Variants in EBI3 observed in about 807,000 individuals in gnomAD.
EBI3 encodes interleukin-27 subunit beta.
EBI3 carries 19 observed loss-of-function variants against 21.3 expected under a neutral mutation model. That is an observed-to-expected ratio of 0.89 (90% CI 0.62 to 1.31). The LOEUF is 1.31. Among genes scored for constraint, EBI3 ranks in the 50% most tolerant of loss-of-function variants. EBI3 has a pLI of 0.00. For synonymous variants in EBI3, 154 were observed against 131.2 expected (o/e 1.17, Z -1.19); for missense variants, 331 against 314.0 (o/e 1.05, Z -0.41).
intron 2 of EBI3, among the ~76,000 whole-genome samples, chr19:4,231,778 A>AAAAAC (rs2144674831): frequency 6.7e-6 from 1 of 149,786 alleles, no homozygotes; most frequent in African/African-American, 2.5e-5. Flanking sequence ...CTCAAAAAAA[A>AAAAAC]AAAAAAAAAA....
chr19:4,237,181 C>T lies in EBI3; in HGVS notation c.*93C>T. ...GGAGGGCGGATGGGATCTGCCTAGC[C>T]TGGGCTGGAGTCCTTGCTTTGCTGC... is the stretch of plus-strand genomic sequence containing the variant. On this transcript the variant is annotated 3_prime_UTR_variant, in exon 5 of 5. Transcript: ENST00000221847. 8 of 1,384,178 alleles carry T rather than the reference C, an allele frequency of 5.8e-6. No individual in the cohort carries two copies. The highest frequency in any genetic ancestry group is 7.5e-6 in the Non-Finnish European group (8 of 1,063,150). 85.7% of individuals were successfully genotyped at this position (1,384,178 alleles called of 1,614,324 possible).
In EBI3 at chr19:4,237,192, T is replaced by G; in HGVS notation, c.*104T>G. 1 of 1,349,110 alleles carries G rather than the reference T, an allele frequency of 7.4e-7. No individual in the cohort carries two copies. The highest frequency in any genetic ancestry group is 9.6e-7 in the Non-Finnish European group (1 of 1,040,338). The allele number at this position is 1,349,110 out of a possible 1,614,324, so 83.6% of individuals were successfully genotyped here. A position where few individuals can be genotyped will look rare whatever the true frequency, so the allele number is the denominator to read the frequency against. On this transcript the variant is annotated 3_prime_UTR_variant, in exon 5 of 5. Transcript: ENST00000221847. ...GGGATCTGCCTAGCCTGGGCTGGAG[T>G]CCTTGCTTTGCTGCTGCTGAGCTGC...
At chr19:4,234,946 G>A (rs546186330) in intron 4 of EBI3, 122 bp downstream of exon 4, 4 of 1,403,850 alleles carry the variant, frequency 2.8e-6, no homozygotes, top group Non-Finnish European at 2.9e-6. Context: ...CATTGAATAA[G>A]AGCAGTCCAG....
At chr19:4,232,426 C>A (rs1303898228) in intron 2 of EBI3, among the ~76,000 whole-genome samples, 6 of 147,484 alleles carry the variant, frequency 4.1e-5, no homozygotes, top group South Asian at 4.3e-4. Context: ...TACTTAAAAT[C>A]AAAAAAATTA....
chr19:4,233,859 CTG>C (rs1203161047), intron 3 of EBI3, among the ~76,000 whole-genome samples: 1 of 152,216 alleles, frequency 6.6e-6, no homozygotes, highest in African/African-American at 2.4e-5. Flanking sequence ...CTTCGGGTCT[CTG>C]TGCATACATC....
At chr19:4,231,356 C>A in intron 2 of EBI3, 33 bp downstream of exon 2, 1 of 1,573,736 alleles carries the variant, frequency 6.4e-7, no homozygotes, top group Non-Finnish European at 8.6e-7. Context: ...CTCAGGGACA[C>A]TGGACTTCCT....
Position 4,229,563 on chromosome 19 carries a change from C to G in EBI3, c.13C>G (p.Leu5Val). MTPQLLLALVLWASC... is the reference protein window; with the variant it reads MTPQVLLALVLWASC... The stretch of plus-strand genomic sequence containing the variant: ...GCTGGCCGCAGCCATGACCCCGCAG[C>G]TTCTCCTGGCCCTTGTCCTCTGGGC... Residue 5 changes from leucine to valine, a missense_variant, in exon 1 of 5, where the codon CTT (leucine) becomes GTT (valine). Transcript: ENST00000221847. 1 of 1,611,324 alleles carries G rather than the reference C, an allele frequency of 6.2e-7. No homozygotes were observed. The highest frequency in any genetic ancestry group is 1.1e-5 in the South Asian group (1 of 90,354).
Position 4,231,173 on chromosome 19 carries a change from C to A in EBI3, c.68-18C>A. The A allele has an allele frequency of 5.1e-6, 8 of 1,559,974 alleles. No individual in the cohort carries two copies. Among genetic ancestry groups the A allele is most frequent in the Non-Finnish European group, 6.9e-6 (8 of 1,155,848 alleles). Reference sequence around the variant, plus strand: ...TCTGGGGGTAAACCAGAAGCTCACTCTTTCTGTCTTCCTCCAGGGCCCCCA... The same window carrying A: ...TCTGGGGGTAAACCAGAAGCTCACTATTTCTGTCTTCCTCCAGGGCCCCCA... On this transcript the variant is annotated intron_variant, in intron 1 of 4. Transcript: ENST00000221847.
At position 4,237,161 on chromosome 19, in the gene EBI3, G is replaced by A. The variant is rs1323190868; in HGVS notation, c.*73G>A. 6 of 1,400,712 alleles carry A rather than the reference G, an allele frequency of 4.3e-6. No individual in the cohort carries two copies. Among genetic ancestry groups the A allele is most frequent in the Non-Finnish European group, 5.6e-6 (6 of 1,070,628 alleles). The allele number at this position is 1,400,712 out of a possible 1,614,324, so 86.8% of individuals were successfully genotyped here. On this transcript the variant is annotated 3_prime_UTR_variant, in exon 5 of 5. Transcript: ENST00000221847. Reference sequence around the variant, plus strand: ...TAAGCCCCGGGACACCTGTTGGAGGGCGGATGGGATCTGCCTAGCCTGGGC... The same window carrying A: ...TAAGCCCCGGGACACCTGTTGGAGGACGGATGGGATCTGCCTAGCCTGGGC...
intron 2 of EBI3, among the ~76,000 whole-genome samples, chr19:4,231,952 C>T (rs958610510): frequency 2.0e-5 from 3 of 151,396 alleles, no homozygotes; most frequent in South Asian, 4.2e-4. Context: ...CATGGCCAGG[C>T]GCGGTGGCTC....
chr19:4,236,526 A>AAAAAAAAAAAAAC (rs1970839468), intron 4 of EBI3, among the ~76,000 whole-genome samples: 1 of 147,370 alleles, frequency 6.8e-6, no homozygotes, highest in African/African-American at 2.5e-5. Flanking sequence ...CTCAAAAAAA[A>AAAAAAAAAAAAAC]AAAAAAAAAA....
At chr19:4,232,776 TAATG>T (rs1391160840) in intron 2 of EBI3, among the ~76,000 whole-genome samples, 1 of 119,152 alleles carries the variant, frequency 8.4e-6, no homozygotes, top group African/African-American at 4.2e-5. Context: ...AGGAATGAAT[TAATG>T]AATGAATGAA....
rs750721808 is a variant in EBI3 at position 4,229,630 on chromosome 19, C to T, written c.67+13C>T. 1.3e-6 allele frequency: 2 copies of T among 1,599,010 alleles called. No individual in the cohort carries two copies. Among genetic ancestry groups the T allele is most frequent in the Non-Finnish European group, 1.7e-6 (2 of 1,173,410 alleles). ...AGTGGAAGGAAAGGTATGTGGGGCC[C>T]CTGGGGGACTGGGGGGCCCAGGCAG... On this transcript the variant is annotated intron_variant, in intron 1 of 4. Coordinates refer to ENST00000221847, the MANE Select transcript of EBI3 (RefSeq NM_005755.3).
chr19:4,231,229 C>T lies in EBI3; in HGVS notation c.106C>T (p.Arg36Ter), dbSNP rs757484444. 1.7e-5 allele frequency: 27 copies of T among 1,610,486 alleles called. No homozygotes were observed. In the Admixed American group the frequency reaches 1.7e-4, roughly 10 times the overall value. ...AALTLPRVQCRASRYPIAVDC... is the reference protein window; with the variant it reads ...AALTLPRVQC ...TCTGACACTGCCCCGGGTGCAATGC[C>T]GAGCCTCTCGGTACCCGATCGCCGT... Residue 36 changes from arginine (R) to a stop codon, truncating the protein, a stop_gained, in exon 2 of 5, where the codon CGA becomes TGA. Coordinates refer to ENST00000221847, the MANE Select transcript of EBI3 (RefSeq NM_005755.3). LOFTEE classifies it high-confidence loss of function.
intron 2 of EBI3, 173 bp from the exon 3 acceptor site, chr19:4,232,956 T>C: frequency 1.5e-6 from 1 of 657,010 alleles, no homozygotes; most frequent in Non-Finnish European, 2.4e-6. Flanking sequence ...TTGGGGCCCA[T>C]GCCCTGCCCC....
chr19:4,234,971 G>A (rs1191049585), intron 4 of EBI3, 147 bp downstream of exon 4: 6 of 1,198,926 alleles, frequency 5.0e-6, no homozygotes, highest in Non-Finnish European at 6.9e-6. Flanking sequence ...CTGATTCCTA[G>A]GCCTCTACCG....
intron 2 of EBI3, 105 bp downstream of exon 2, chr19:4,231,428 C>T: frequency 7.1e-7 from 1 of 1,400,930 alleles, no homozygotes; most frequent in Non-Finnish European, 9.3e-7. Context: ...ACCCCGACAT[C>T]CTGAACCCCA....
At chr19:4,232,002 G>A (rs1261282921) in intron 2 of EBI3, among the ~76,000 whole-genome samples, 5 of 151,576 alleles carry the variant, frequency 3.3e-5, no homozygotes, top group African/African-American at 9.7e-5. Context: ...CGAGGTGGGC[G>A]GATCACAAGG....
At chr19:4,230,427 C>T (rs1970771867) in intron 1 of EBI3, among the ~76,000 whole-genome samples, 2 of 151,728 alleles carry the variant, frequency 1.3e-5, no homozygotes, top group Admixed American at 1.3e-4. Flanking sequence ...AAAAAATTAG[C>T]TAGATGTGGT....
Sources: gnomAD v4.1 joint callset for allele counts (sites outside exome capture counted in the v4.1 genomes callset) on GRCh38, gnomAD v4.1.1 for gene constraint, MANE v1.5 for transcripts, NCBI Gene and HGNC (gene_info 2026-07-23, HGNC 2026-07-21) for gene names.